OTUD4: variants seen among roughly 807,000 people sequenced by gnomAD.
OTUD4 encodes the protein OTU domain-containing protein 4.
OTUD4 carries 24 observed loss-of-function variants against 130.4 expected under a neutral mutation model. That is an observed-to-expected ratio of 0.18 (90% CI 0.13 to 0.26). The LOEUF (loss-of-function observed/expected upper bound fraction) is 0.26. Among genes scored for constraint, OTUD4 ranks in the 10% least tolerant of loss-of-function variants. OTUD4 has a pLI of 1.00. For missense variants in OTUD4, 1,031 were observed against 1,329.4 expected (o/e 0.78, Z 3.49); for synonymous variants, 420 against 472.5 (o/e 0.89, Z 1.44).
At chr4:145,163,013 A>G (rs1751657737) in intron 5 of OTUD4, among the ~76,000 whole-genome samples, 1 of 152,216 alleles carries the variant, frequency 6.6e-6, no homozygotes, top group African/African-American at 2.4e-5. Flanking sequence ...AGAACAAGAC[A>G]CTGTAAGAAA....
At chr4:145,140,639 A>AAATATAGT (rs1375927166) in intron 19 of OTUD4, among the ~76,000 whole-genome samples, 1 of 152,196 alleles carries the variant, frequency 6.6e-6, no homozygotes, top group East Asian at 1.9e-4. Context: ...AAGACATACT[A>AAATATAGT]AATATAGTAC....
At chr4:145,175,806 G>GT (rs1254441785) in intron 1 of OTUD4, among the ~76,000 whole-genome samples, 1 of 151,542 alleles carries the variant, frequency 6.6e-6, no homozygotes, top group East Asian at 2.0e-4. Context: ...ACCTCCCAAT[G>GT]TGCTGGGATT....
intron 6 of OTUD4, among the ~76,000 whole-genome samples, chr4:145,161,094 A>C (rs1751539038): frequency 6.7e-6 from 1 of 149,818 alleles, no homozygotes; most frequent in Non-Finnish European, 1.5e-5. Context: ...TAGGCGAGAG[A>C]GCAACACTCC....
Position 145,142,195 on chromosome 4 carries a change from C to T in OTUD4, c.1822+1G>A. On this transcript the variant is annotated splice_donor_variant, in intron 18 of 20. Coordinates refer to ENST00000447906, the MANE Select transcript of OTUD4 (RefSeq NM_001366057.1). LOFTEE classifies it high-confidence loss of function. ...CTAGATTTTCTAAACCCTTCTCTAA[C>T]CTGTTGGTCCAAAAGTTGTAGGTTC... The T allele has an allele frequency of 6.2e-7, 1 of 1,612,566 alleles. No homozygotes were observed. Among genetic ancestry groups the T allele is most frequent in the Non-Finnish European group, 8.5e-7 (1 of 1,179,478 alleles).
In OTUD4 at chr4:145,138,478, G is replaced by A. The variant is rs1327748242; in HGVS notation, c.2297C>T (p.Ala766Val). 21 of 1,613,808 alleles carry A rather than the reference G, an allele frequency of 1.3e-5. No homozygotes were observed. Among genetic ancestry groups the A allele is most frequent in the Non-Finnish European group, 1.8e-5 (21 of 1,179,814 alleles). Residue 766 changes from alanine to valine, a missense_variant, in exon 21 of 21, where the codon GCC becomes GTC. Physicochemically the swap from Ala to Val is moderately conservative, Grantham distance 64. Around this residue, in one of 3 missense-constraint regions of OTUD4, gnomAD observed 900 missense variants for 1,095.9 expected, o/e 0.82. Transcript: ENST00000447906. ...GGCCTCAGTCTGCATAGGAAAGTGG[G>A]CATCAGTACAGGTACAATCACTTTC... ...QNESDCTCTD[A>V]HFPMQTEASV...
intron 3 of OTUD4, chr4:145,171,427 T>A: frequency 2.7e-6 from 1 of 372,130 alleles, no homozygotes. Flanking sequence ...ATTTTTATAC[T>A]ACATTTACAT....
chr4:145,137,727 C>A lies in OTUD4; in HGVS notation c.3048G>T (p.Val1016=), dbSNP rs1450042289. ...SPGANSVDSR[V]QRPKEESSED... is the part of the protein sequence containing the mutation. Reference sequence around the variant, plus strand: ...CTGAACTCTCTTCTTTTGGTCTTTGCACTCTGCTATCAACAGAGTTGGCCC... The same window carrying A: ...CTGAACTCTCTTCTTTTGGTCTTTGAACTCTGCTATCAACAGAGTTGGCCC... Residue 1016 remains valine, a synonymous_variant, in exon 21 of 21, where the codon GTG becomes GTT. Coordinates refer to ENST00000447906, the MANE Select transcript of OTUD4 (RefSeq NM_001366057.1). The A allele has an allele frequency of 1.2e-6, 2 of 1,614,042 alleles. No homozygotes were observed. Among genetic ancestry groups the A allele is most frequent in the African/African-American group, 1.3e-5 (1 of 75,010 alleles).
chr4:145,144,896 A>G (rs1459012278), intron 14 of OTUD4, among the ~76,000 whole-genome samples: 1 of 152,206 alleles, frequency 6.6e-6, no homozygotes, highest in Non-Finnish European at 1.5e-5. Context: ...CAAATCACTT[A>G]AACTCTGCAT....
intron 1 of OTUD4, among the ~76,000 whole-genome samples, chr4:145,175,407 C>G (rs1752369897): frequency 6.6e-6 from 1 of 152,128 alleles, no homozygotes; most frequent in African/African-American, 2.4e-5. Flanking sequence ...TTGTAAAGTA[C>G]CAACCTACAA....
At chr4:145,142,122 T>A in intron 18 of OTUD4, 74 bp downstream of exon 18, 1 of 1,346,796 alleles carries the variant, frequency 7.4e-7, no homozygotes, top group Non-Finnish European at 1.0e-6. Flanking sequence ...GAGGTCAAAC[T>A]TCCACTCAAG....
At chr4:145,167,453 G>A (rs2126795684) in intron 3 of OTUD4, among the ~76,000 whole-genome samples, 1 of 152,306 alleles carries the variant, frequency 6.6e-6, no homozygotes, top group East Asian at 1.9e-4. Context: ...ACTGCTAGAA[G>A]TGATACCCTC....
rs775162999 is a variant in OTUD4, at chr4:145,134,941, T to C, written c.*2489A>G. 4 of 398,542 alleles carry C rather than the reference T, an allele frequency of 1.0e-5. No homozygotes were observed. The highest frequency in any genetic ancestry group is 1.3e-5 in the Non-Finnish European group (3 of 225,842). The allele number at this position is 398,542 out of a possible 1,614,324, so 24.7% of individuals were successfully genotyped here. On this transcript the variant is annotated 3_prime_UTR_variant, in exon 21 of 21. Coordinates refer to ENST00000447906, the MANE Select transcript of OTUD4 (RefSeq NM_001366057.1). ...ACAAATGATCCTCAGTTCTATACTT[T>C]TGCCTCTATTCTCTTATAAAGAAAT...
intron 2 of OTUD4, among the ~76,000 whole-genome samples, chr4:145,172,560 A>G (rs1216146570): frequency 6.6e-6 from 1 of 152,184 alleles, no homozygotes; most frequent in Non-Finnish European, 1.5e-5. Flanking sequence ...AAATCTCTAA[A>G]AGTCATTTGT....
chr4:145,167,595 G>A (rs914621151), intron 3 of OTUD4, among the ~76,000 whole-genome samples: 5 of 152,120 alleles, frequency 3.3e-5, no homozygotes, highest in Admixed American at 1.3e-4. Context: ...GGTGGCTCAC[G>A]CCTGTAATCC....
rs576045401 is a variant in OTUD4, at chr4:145,137,767, T to C, written c.3008A>G (p.Asp1003Gly). The C allele has an allele frequency of 6.2e-7, 1 of 1,613,982 alleles. No individual in the cohort carries two copies. The highest frequency in any genetic ancestry group is 8.5e-7 in the Non-Finnish European group (1 of 1,180,008). ...EKVKDPKTAA[D>G]VVSPGANSVD... ...AGAGTTGGCCCCAGGGCTGACCACA[T>C]CAGCAGCAGTCTTAGGATCTTTTAC... Residue 1003 changes from aspartate to glycine, a missense_variant, in exon 21 of 21, where the codon GAT becomes GGT. Physicochemically the swap from Asp to Gly is moderately conservative, Grantham distance 94 (BLOSUM62 -1). Coordinates refer to ENST00000447906, the MANE Select transcript of OTUD4 (RefSeq NM_001366057.1).
chr4:145,180,143 C>CGCAT lies in OTUD4; in HGVS notation c.-174_-171dup, dbSNP rs1561005846. 3.5e-6 allele frequency: 1 copy of CGCAT among 282,674 alleles called. No individual in the cohort carries two copies. The highest frequency in any genetic ancestry group is 1.5e-4 in the East Asian group (1 of 6,892). The allele number at this position is 282,674 out of a possible 1,614,324, so 17.5% of individuals were successfully genotyped here. ...GAGGCAGCGGTCCGCGCTCTCCGGG[C>CGCAT]GCATAGGGAAGCCCTGCCTAATGCA... On this transcript the variant is annotated 5_prime_UTR_variant, in exon 1 of 21. In the 5' UTR this introduces an upstream ATG that the reference lacks. Coordinates refer to ENST00000447906, the MANE Select transcript of OTUD4 (RefSeq NM_001366057.1).
Position 145,135,745 on chromosome 4 carries a change from A to C in OTUD4, c.*1685T>G, listed in dbSNP as rs1157137804. ...AATGTTATCTTTCAAAGTGCTCTCTAAAATCCTGTTACATTATCTAAATGC... is the reference window on the plus strand; with the variant it reads ...AATGTTATCTTTCAAAGTGCTCTCTCAAATCCTGTTACATTATCTAAATGC... On this transcript the variant is annotated 3_prime_UTR_variant, in exon 21 of 21. Coordinates refer to ENST00000447906, the MANE Select transcript of OTUD4 (RefSeq NM_001366057.1). 6.6e-6 allele frequency: 1 copy of C among 152,636 alleles called. No individual in the cohort carries two copies. Among genetic ancestry groups the C allele is most frequent in the Non-Finnish European group, 1.5e-5 (1 of 68,020 alleles). 9.5% of individuals were successfully genotyped at this position (152,636 alleles called of 1,614,324 possible). A position where few individuals can be genotyped will look rare whatever the true frequency, so the allele number is the denominator to read the frequency against.
At chr4:145,179,422 T>TG (rs571952376) in intron 1 of OTUD4, among the ~76,000 whole-genome samples, 15 of 152,222 alleles carry the variant, frequency 9.9e-5, no homozygotes, top group African/African-American at 3.6e-4. Flanking sequence ...AGTAAACACT[T>TG]GGTTTACTGG....
At chr4:145,177,713 G>A (rs1752494825) in intron 1 of OTUD4, among the ~76,000 whole-genome samples, 1 of 152,264 alleles carries the variant, frequency 6.6e-6, no homozygotes, top group Non-Finnish European at 1.5e-5. Context: ...ATCCGTAAGT[G>A]TAAAAAGGAA....
Sources: allele counts gnomAD v4.1 joint callset (sites outside exome capture counted in the v4.1 genomes callset), GRCh38; gene constraint gnomAD v4.1.1; regional missense constraint gnomAD v4.1.1; transcripts MANE v1.5; gene names NCBI Gene and HGNC (gene_info 2026-07-23, HGNC 2026-07-21).